The following CPNE4 variants were observed in gnomAD, a reference collection of about 807,000 sequenced individuals.
CPNE4 encodes the protein copine-4.
In CPNE4, 25 loss-of-function variants were observed where a neutral mutation model predicts 67.9. That is an observed-to-expected ratio of 0.37 (90% confidence interval 0.27 to 0.51). The LOEUF is 0.51. Among genes scored for constraint, CPNE4 ranks in the 20% least tolerant of loss-of-function variants. CPNE4 has a pLI of 0.93. For synonymous variants in CPNE4, 242 were observed against 244.9 expected (o/e 0.99, Z 0.11); for missense variants, 464 against 690.8 (o/e 0.67, Z 3.68).
chr3:131,673,757 A>C (rs972786415), intron 6 of CPNE4, among the ~76,000 whole-genome samples: 1 of 152,188 alleles, frequency 6.6e-6, no homozygotes, highest in Non-Finnish European at 1.5e-5. Context: ...ATCATCTGCA[A>C]ACAAGTATAA....
intron 2 of CPNE4, among the ~76,000 whole-genome samples, chr3:131,876,537 G>A (rs1015870105): frequency 6.7e-6 from 1 of 150,316 alleles, no homozygotes; most frequent in Admixed American, 6.6e-5. Context: ...AGCTACTCGG[G>A]AGGGTGAGGC....
chr3:131,728,937 C>T (rs919705880), intron 2 of CPNE4, among the ~76,000 whole-genome samples: 17 of 146,994 alleles, frequency 1.2e-4, no homozygotes, highest in African/African-American at 2.3e-4. Flanking sequence ...GGCTTGTGTG[C>T]GGGGCAATGT....
chr3:132,001,199 G>A (rs1210696773), intron 1 of CPNE4, among the ~76,000 whole-genome samples: 1 of 152,006 alleles, frequency 6.6e-6, no homozygotes, highest in African/African-American at 2.4e-5. Context: ...ACTAACAAAT[G>A]ATTTCCTTTG....
intron 1 of CPNE4, among the ~76,000 whole-genome samples, chr3:132,003,385 C>T (rs141622044): frequency 1.3e-5 from 2 of 152,038 alleles, no homozygotes; most frequent in Non-Finnish European, 2.9e-5. Flanking sequence ...AGCTTTTCCA[C>T]AAAGCCCCCA....
intron 1 of CPNE4, among the ~76,000 whole-genome samples, chr3:132,015,131 ACT>A (rs2073860576): frequency 6.6e-6 from 1 of 152,070 alleles, no homozygotes; most frequent in Non-Finnish European, 1.5e-5. Flanking sequence ...AAGAAGTTAT[ACT>A]CTGATCCTGG....
intron 2 of CPNE4, among the ~76,000 whole-genome samples, chr3:131,826,210 T>G (rs1286373605): frequency 6.6e-6 from 1 of 152,142 alleles, no homozygotes; most frequent in East Asian, 1.9e-4. Context: ...TTTTTTGTTT[T>G]TTGAAACAGA....
chr3:131,545,221 A>G (rs1211376079), intron 14 of CPNE4, among the ~76,000 whole-genome samples: 1 of 152,220 alleles, frequency 6.6e-6, no homozygotes, highest in Non-Finnish European at 1.5e-5. Context: ...TATGTCACAA[A>G]ATACAAATAT....
At chr3:131,688,893 A>T (rs1396278476) in intron 5 of CPNE4, among the ~76,000 whole-genome samples, 1 of 152,214 alleles carries the variant, frequency 6.6e-6, no homozygotes, top group East Asian at 1.9e-4. Flanking sequence ...ATCATGATCT[A>T]TGTACAATTT....
intron 1 of CPNE4, among the ~76,000 whole-genome samples, chr3:131,988,576 T>C (rs558565331): frequency 3.3e-5 from 5 of 152,280 alleles, no homozygotes; most frequent in South Asian, 4.1e-4. Context: ...CAAATCTTGA[T>C]AGTTGATTGA....
At chr3:131,868,706 A>G (rs2087064800) in intron 2 of CPNE4, among the ~76,000 whole-genome samples, 1 of 152,166 alleles carries the variant, frequency 6.6e-6, no homozygotes, top group Admixed American at 6.5e-5. Context: ...CCTAAGCCCA[A>G]CACACTTCCT....
chr3:131,607,639 G>A (rs377048585), intron 7 of CPNE4, among the ~76,000 whole-genome samples: 11 of 152,090 alleles, frequency 7.2e-5, no homozygotes, highest in Non-Finnish European at 1.0e-4. Context: ...AGCACACATC[G>A]AAATGTATTA....
chr3:131,862,761 G>A (rs2086744123), intron 2 of CPNE4, among the ~76,000 whole-genome samples: 1 of 151,772 alleles, frequency 6.6e-6, no homozygotes, highest in East Asian at 1.9e-4. Context: ...ACAACGTGCA[G>A]GTTTGTTACA....
intron 11 of CPNE4, among the ~76,000 whole-genome samples, chr3:131,558,720 A>G (rs1027518855): frequency 1.3e-5 from 2 of 152,036 alleles, no homozygotes; most frequent in East Asian, 1.9e-4. Context: ...TACTGTATCC[A>G]TAAGGAAATG....
intron 6 of CPNE4, 56 bp downstream of exon 6, chr3:131,685,819 G>C: frequency 8.5e-7 from 1 of 1,170,822 alleles, no homozygotes; most frequent in Non-Finnish European, 1.3e-6. Context: ...TCTCAAAATA[G>C]GTCAATTTAT....
intron 5 of CPNE4, among the ~76,000 whole-genome samples, chr3:131,688,285 AG>A (rs1418544120): frequency 2.0e-5 from 3 of 152,134 alleles, no homozygotes; most frequent in Non-Finnish European, 2.9e-5. Flanking sequence ...CTATTTCTGA[AG>A]GTGCCTTCAG....
chr3:131,601,803 A>T (rs1262123051), intron 7 of CPNE4, among the ~76,000 whole-genome samples: 1 of 152,110 alleles, frequency 6.6e-6, no homozygotes, highest in Non-Finnish European at 1.5e-5. Flanking sequence ...ATCTCAAAGC[A>T]CTTCTCTATA....
rs561944668 is a variant in CPNE4 at position 131,635,907 on chromosome 3, C to T, written c.681+33768G>A. ...CCATCCCGGCTAAAACGGTGAAACC[C>T]CGTCTCTACTAAAAATACAAAAAAT... is the stretch of plus-strand genomic sequence containing the variant. On this transcript the variant is annotated intron_variant, in intron 7 of 15. Coordinates refer to ENST00000429747, the MANE Select transcript of CPNE4 (RefSeq NM_130808.3). Among the ~76,000 whole-genome samples the T allele has an allele frequency of 2.3e-5, 2 of 87,014 alleles. 1 individual carries two copies. The highest frequency in any genetic ancestry group is 2.0e-4 in the Admixed American group (2 of 10,062). The allele number at this position is 87,014 out of a possible 152,430, so 57.1% of individuals were successfully genotyped here.
chr3:131,987,217 T>C (rs1659164073), intron 1 of CPNE4, among the ~76,000 whole-genome samples: 2 of 152,282 alleles, frequency 1.3e-5, no homozygotes, highest in Non-Finnish European at 2.9e-5. Context: ...TAATTAACGA[T>C]AGTAGAAGTA....
At chr3:131,557,300 T>G (rs1394810279) in intron 11 of CPNE4, among the ~76,000 whole-genome samples, 3 of 152,070 alleles carry the variant, frequency 2.0e-5, no homozygotes, top group South Asian at 2.1e-4. Context: ...TCACTGTTCT[T>G]GGTATATTCA....
Sources: gnomAD v4.1 joint callset for allele counts (sites outside exome capture counted in the v4.1 genomes callset) on GRCh38, gnomAD v4.1.1 for gene constraint, MANE v1.5 for transcripts, NCBI Gene and HGNC (gene_info 2026-07-23, HGNC 2026-07-21) for gene names.